Variants in ZNF114 observed in about 807,000 individuals in gnomAD.
The protein encoded by ZNF114 is zinc finger protein 114, also known as zinc finger protein 114 (Y18).
ZNF114 carries 8 observed loss-of-function variants against 6.8 expected under a neutral mutation model. The ratio of observed to expected loss-of-function variants is 1.18; its 90% CI spans 0.69 to 2.13. ZNF114 has a LOEUF of 2.13. Ranked by LOEUF, ZNF114 falls within the 30% of genes most tolerant of loss-of-function variation. The probability of loss-of-function intolerance (pLI) is 0.00; values close to 1 mark genes in which losing one functional copy is unlikely to be tolerated. For missense variants in ZNF114, 472 were observed against 519.5 expected, an observed-to-expected ratio of 0.91 and a Z score of 0.89; for synonymous variants, 169 against 185.5, an observed-to-expected ratio of 0.91 and a Z score of 0.72.
In ZNF114 at chr19:48,278,063, G is replaced by A. The variant is rs559059049; in HGVS notation, c.-69-1668G>A. Among the ~76,000 whole-genome samples the A allele has an allele frequency of 4.6e-5, 7 of 152,050 alleles. No individual in the cohort carries two copies. In the East Asian group the frequency reaches 1.4e-3, roughly 29 times the overall value. On this transcript the variant is annotated intron_variant, in intron 3 of 5. Coordinates refer to ENST00000595607, the MANE Select transcript of ZNF114 (RefSeq NM_153608.4). ...GATTCTCCTGCCTTCAGCCTCCCAA[G>A]TAGCTGGGATTACAGGTGTGCGCCA...
chr19:48,282,358 T>TG lies in ZNF114; in HGVS notation c.10-12dup. 1 of 1,610,992 alleles carries TG rather than the reference T, an allele frequency of 6.2e-7. No homozygotes were observed. The highest frequency in any genetic ancestry group is 1.1e-5 in the South Asian group (1 of 90,664). ...GGACACCCCTCCGAGCCAAACTGCA[T>TG]GTGTTATTTTAGGACTCGGTGACCT... On this transcript the variant is annotated splice_polypyrimidine_tract_variant and intron_variant, in intron 4 of 5. Transcript: ENST00000595607.
intron 3 of ZNF114, among the ~76,000 whole-genome samples, chr19:48,279,449 C>T (rs954820553): frequency 3.5e-4 from 10 of 28,512 alleles, no homozygotes; most frequent in African/African-American, 5.1e-4. Context: ...GTGTGGGGGG[C>T]GGGGGTGGGG....
intron 3 of ZNF114, among the ~76,000 whole-genome samples, chr19:48,275,279 G>A (rs1465163781): frequency 2.9e-5 from 4 of 135,988 alleles, no homozygotes; most frequent in East Asian, 4.9e-4. Flanking sequence ...GGGAGGGAGG[G>A]AGGGAGACAG....
At chr19:48,283,740 T>G (rs1012905446) in intron 5 of ZNF114, among the ~76,000 whole-genome samples, 5 of 151,692 alleles carry the variant, frequency 3.3e-5, no homozygotes, top group Non-Finnish European at 7.4e-5. Context: ...TTTTGTTTTT[T>G]TTTTGTTTTT....
intron 3 of ZNF114, among the ~76,000 whole-genome samples, chr19:48,278,937 C>T (rs889679866): frequency 1.4e-5 from 2 of 144,242 alleles, no homozygotes; most frequent in Non-Finnish European, 3.0e-5. Flanking sequence ...AGTGAGACTC[C>T]GTCTCAAAAA....
At chr19:48,276,924 C>T (rs1021424972) in intron 3 of ZNF114, among the ~76,000 whole-genome samples, 3 of 151,250 alleles carry the variant, frequency 2.0e-5, no homozygotes, top group African/African-American at 4.9e-5. Flanking sequence ...TTTGAGAGGT[C>T]GAGGCAGGCG....
At chr19:48,284,948 C>A (rs183565088) in intron 5 of ZNF114, among the ~76,000 whole-genome samples, 1 of 151,948 alleles carries the variant, frequency 6.6e-6, no homozygotes, top group Non-Finnish European at 1.5e-5. Context: ...AACCTAGTGA[C>A]ACCCTCATCT....
At position 48,277,797 on chromosome 19, in the gene ZNF114, GT is replaced by G. The variant is rs1568991620; in HGVS notation, c.-69-1933del. The stretch of plus-strand genomic sequence containing the variant: ...TAGACTGACCAGGGAGGCATTGGGT[GT>G]GTGTGTGTGTGTGTGTGTGTGTGTG... On this transcript the variant is annotated intron_variant, in intron 3 of 5. Transcript: ENST00000595607. Among the ~76,000 whole-genome samples, 33 of 132,976 alleles carry G rather than the reference GT, an allele frequency of 2.5e-4. No homozygotes were observed. The East Asian group carries it at 3.3e-3, about 13-fold the overall frequency. 87.2% of individuals were successfully genotyped at this position (132,976 alleles called of 152,430 possible).
At chr19:48,277,170 T>A (rs534395868) in intron 3 of ZNF114, among the ~76,000 whole-genome samples, 38 of 147,254 alleles carry the variant, frequency 2.6e-4, no homozygotes, top group Middle Eastern at 3.4e-3. Flanking sequence ...CAAAAAAAAA[T>A]TTTTTTTAAT....
At chr19:48,273,044 C>G (rs1967719275) in intron 3 of ZNF114, among the ~76,000 whole-genome samples, 1 of 152,166 alleles carries the variant, frequency 6.6e-6, no homozygotes, top group African/African-American at 2.4e-5. Flanking sequence ...ATCTGCCCGC[C>G]TCGGCCTCCC....
At chr19:48,279,614 T>G (rs530749512) in intron 3 of ZNF114, 117 bp from the exon 4 acceptor site, 3 of 624,020 alleles carry the variant, frequency 4.8e-6, no homozygotes, top group East Asian at 3.3e-5. Context: ...TGGGCTGTGG[T>G]GGGGAAGTGT....
In ZNF114 at chr19:48,286,280, A is replaced by G. The variant is rs1968126681; in HGVS notation, c.656A>G (p.Asn219Ser). 1.2e-6 allele frequency: 2 copies of G among 1,614,116 alleles called. No individual in the cohort carries two copies. Among genetic ancestry groups the G allele is most frequent in the Admixed American group, 1.7e-5 (1 of 59,994 alleles). ...HIRDEIDTGA[N>S]RHQRNPFGKA... is the part of the protein sequence containing the mutation. ...CGTGATGAAATTGATACGGGGGCCA[A>G]CAGGCACCAGCGGAATCCATTTGGA... Residue 219 changes from asparagine (N) to serine (S), a missense_variant, in exon 6 of 6, where the codon AAC (asparagine) becomes AGC (serine). Coordinates refer to ENST00000595607, the MANE Select transcript of ZNF114 (RefSeq NM_153608.4).
intron 3 of ZNF114, among the ~76,000 whole-genome samples, chr19:48,272,350 T>G (rs1967681268): frequency 6.6e-6 from 1 of 150,378 alleles, no homozygotes; most frequent in Admixed American, 6.7e-5. Context: ...AGGTGGAGGT[T>G]GCAGTGAGCC....
intron 5 of ZNF114, among the ~76,000 whole-genome samples, chr19:48,284,655 G>A (rs969944581): frequency 2.0e-5 from 3 of 152,046 alleles, no homozygotes; most frequent in South Asian, 2.1e-4. Flanking sequence ...GGTCTCAAAC[G>A]CCTGACCTCT....
intron 3 of ZNF114, among the ~76,000 whole-genome samples, chr19:48,277,278 G>A (rs1417536305): frequency 2.0e-5 from 3 of 151,328 alleles, no homozygotes; most frequent in Admixed American, 6.6e-5. Flanking sequence ...AACTCAGGAG[G>A]CAGAGGCTGC....
chr19:48,277,794 G>GTGTGTGT, intron 3 of ZNF114, among the ~76,000 whole-genome samples: 1 of 119,410 alleles, frequency 8.4e-6, no homozygotes, highest in African/African-American at 3.3e-5. Flanking sequence ...GGAGGCATTG[G>GTGTGTGT]GTGTGTGTGT....
At chr19:48,270,656 AAAAGAAG>A (rs1441190138) in intron 1 of ZNF114, among the ~76,000 whole-genome samples, 4 of 141,162 alleles carry the variant, frequency 2.8e-5, no homozygotes, top group African/African-American at 7.8e-5. Flanking sequence ...GAGAGAAAGA[AAAAGAAG>A]AAAGAAAGAG....
At position 48,282,476 on chromosome 19, in the gene ZNF114, T is replaced by C. The variant is rs752577742; in HGVS notation, c.115T>C (p.Ser39Pro). ...NLYRDVMLEN[S>P]RNLAFIDWAT... ...CTACAGAGACGTGATGCTGGAAAATTCTAGGAACTTGGCATTCATAGGTAA... is the reference window on the plus strand; with the variant it reads ...CTACAGAGACGTGATGCTGGAAAATCCTAGGAACTTGGCATTCATAGGTAA... The change falls in exon 5 of 6, where the codon TCT (serine) becomes CCT (proline). Residue 39 changes from serine (S) to proline (P), a missense_variant. Coordinates refer to ENST00000595607, the MANE Select transcript of ZNF114 (RefSeq NM_153608.4). 1 of 1,609,466 alleles carries C rather than the reference T, an allele frequency of 6.2e-7. No homozygotes were observed. The highest frequency in any genetic ancestry group is 1.1e-5 in the South Asian group (1 of 90,722).
chr19:48,273,859 G>C (rs966503712), intron 3 of ZNF114, among the ~76,000 whole-genome samples: 1 of 149,650 alleles, frequency 6.7e-6, no homozygotes, highest in African/African-American at 2.5e-5. Flanking sequence ...CCGGGTTCTC[G>C]CCATTCTCCT....
Sources: gnomAD v4.1 joint callset for allele counts (sites outside exome capture counted in the v4.1 genomes callset) on GRCh38, gnomAD v4.1.1 for gene constraint, MANE v1.5 for transcripts, NCBI Gene and HGNC (gene_info 2026-07-23, HGNC 2026-07-21) for gene names.